Variants in VIT observed in about 807,000 individuals in gnomAD.
The protein encoded by VIT is vitrin.
VIT carries 99 observed loss-of-function variants against 78.0 expected under a neutral mutation model. The ratio of observed to expected loss-of-function variants is 1.27; its 90% confidence interval spans 1.08 to 1.50. The LOEUF is 1.50. Ranked by LOEUF, VIT falls within the 40% of genes most tolerant of loss-of-function variation. The pLI, the probability that VIT is intolerant of heterozygous loss-of-function variation, is 0.00. For synonymous variants in VIT, 374 were observed against 334.3 expected (o/e 1.12, Z -1.29); for missense variants, 1,126 against 875.3 (o/e 1.29, Z -3.61).
At chr2:36,721,791 C>T (rs1666529511) in intron 2 of VIT, among the ~76,000 whole-genome samples, 1 of 152,230 alleles carries the variant, frequency 6.6e-6, no homozygotes, top group Admixed American at 6.5e-5. Context: ...CTTCCTCCCA[C>T]CAACCATGCT....
intron 12 of VIT, among the ~76,000 whole-genome samples, chr2:36,797,081 G>GT (rs1362746211): frequency 6.9e-6 from 1 of 144,188 alleles, no homozygotes; most frequent in African/African-American, 2.5e-5. Context: ...TAGCCAATAT[G>GT]TTTTTTTGTT....
chr2:36,731,018 C>T (rs1334739018), intron 3 of VIT, among the ~76,000 whole-genome samples: 3 of 152,122 alleles, frequency 2.0e-5, no homozygotes, highest in Admixed American at 6.5e-5. Flanking sequence ...CAGAGGAAAG[C>T]GCACCAAACA....
At chr2:36,803,768 ATAC>A (rs1666500643) in intron 13 of VIT, among the ~76,000 whole-genome samples, 1 of 152,220 alleles carries the variant, frequency 6.6e-6, no homozygotes, top group Non-Finnish European at 1.5e-5. Flanking sequence ...ATTGAGTATA[ATAC>A]TACTAATCCT....
rs565656080 is a variant in VIT, at chr2:36,776,658, G to A, written c.802+1591G>A. 3.3e-4 allele frequency among the ~76,000 whole-genome samples: 50 copies of A among 152,090 alleles called. No homozygotes were observed. In the South Asian group the frequency reaches 9.4e-3, roughly 28 times the overall value. ...TCTATTAAAAATACAACAATGAGCC[G>A]GTGGTGCGTGCCTGTAATCCCAGTT... is the stretch of plus-strand genomic sequence containing the variant. On this transcript the variant is annotated intron_variant, in intron 9 of 15. Coordinates refer to ENST00000379242, the MANE Select transcript of VIT (RefSeq NM_053276.4).
At chr2:36,757,732 A>T (rs1452743204) in intron 5 of VIT, among the ~76,000 whole-genome samples, 1 of 152,248 alleles carries the variant, frequency 6.6e-6, no homozygotes, top group Non-Finnish European at 1.5e-5. Flanking sequence ...ATCTCTATGG[A>T]GATACATAGT....
intron 6 of VIT, among the ~76,000 whole-genome samples, chr2:36,760,948 G>C (rs1406410711): frequency 6.6e-6 from 1 of 152,132 alleles, no homozygotes. Flanking sequence ...AGCCACTCCA[G>C]CTGCACCCCT....
At chr2:36,784,801 T>C (rs1273896393) in intron 11 of VIT, among the ~76,000 whole-genome samples, 1 of 152,266 alleles carries the variant, frequency 6.6e-6, no homozygotes, top group African/African-American at 2.4e-5. Flanking sequence ...TTAGCACTGA[T>C]GCTGGCATCT....
At chr2:36,700,812 C>T (rs72801345) in intron 1 of VIT, among the ~76,000 whole-genome samples, 51,760 of 151,672 alleles carry the variant, frequency 0.34, 9,767 homozygotes, top group Middle Eastern at 0.51. Flanking sequence ...CTGTTCAAGC[C>T]CTTTTCATAT....
In VIT at chr2:36,808,733, G is replaced by A; in HGVS notation, c.1651G>A (p.Ala551Thr). ...EISDTDTRIG[A>T]VQYTYEQRLE... ...TTCCGACACGGACACGCGCATCGGGGCCGTGCAGTACACCTACGAACAGCG... is the reference window on the plus strand; with the variant it reads ...TTCCGACACGGACACGCGCATCGGGACCGTGCAGTACACCTACGAACAGCG... Residue 551 changes from alanine (A) to threonine (T), a missense_variant, in exon 15 of 16, where the codon GCC becomes ACC. Physicochemically the swap from Ala to Thr is moderately conservative, Grantham distance 58. Coordinates refer to ENST00000379242, the MANE Select transcript of VIT (RefSeq NM_053276.4). 6.2e-7 allele frequency: 1 copy of A among 1,614,208 alleles called. No individual in the cohort carries two copies. Among genetic ancestry groups the A allele is most frequent in the Non-Finnish European group, 8.5e-7 (1 of 1,180,042 alleles).
chr2:36,761,468 C>T (rs1202930622), intron 6 of VIT, among the ~76,000 whole-genome samples: 3 of 152,024 alleles, frequency 2.0e-5, no homozygotes, highest in East Asian at 1.9e-4. Flanking sequence ...TGGCCGGGCG[C>T]AGTGGCTCAC....
chr2:36,791,894 T>G lies in VIT; in HGVS notation c.1058+4618T>G, dbSNP rs377484119. Among the ~76,000 whole-genome samples, 12 of 151,970 alleles carry G rather than the reference T, an allele frequency of 7.9e-5. No individual in the cohort carries two copies. In the East Asian group the frequency reaches 2.3e-3, roughly 29 times the overall value. ...AACAGCAATAGGAAGCTAATACAAC[T>G]GGCAACGAGGACCACTCTGTCTCAT... On this transcript the variant is annotated intron_variant, in intron 12 of 15. Coordinates refer to ENST00000379242, the MANE Select transcript of VIT (RefSeq NM_053276.4).
intron 1 of VIT, among the ~76,000 whole-genome samples, chr2:36,715,216 G>A (rs527689506): frequency 6.6e-6 from 1 of 152,260 alleles, no homozygotes; most frequent in South Asian, 2.1e-4. Context: ...ACTTCAACAA[G>A]AGCCCCAGGT....
intron 1 of VIT, among the ~76,000 whole-genome samples, chr2:36,701,290 A>T (rs1046911010): frequency 1.3e-5 from 2 of 152,214 alleles, no homozygotes; most frequent in Admixed American, 1.3e-4. Context: ...AGGTGGTGCG[A>T]GTGGAGGGAA....
intron 12 of VIT, chr2:36,787,738 G>A: frequency 2.4e-6 from 1 of 424,624 alleles, no homozygotes; most frequent in East Asian, 7.3e-5. Context: ...TAGACGCCTA[G>A]AGAACATGGT....
intron 2 of VIT, among the ~76,000 whole-genome samples, chr2:36,717,370 G>GTGTC (rs948823616): frequency 2.8e-5 from 4 of 145,130 alleles, no homozygotes; most frequent in African/African-American, 1.0e-4. Context: ...GTGTGTGTGT[G>GTGTC]TGTGTGTGTG....
chr2:36,789,006 T>A (rs1665297546), intron 12 of VIT, among the ~76,000 whole-genome samples: 1 of 152,238 alleles, frequency 6.6e-6, no homozygotes, highest in Non-Finnish European at 1.5e-5. Context: ...AGCAAGAGTT[T>A]ACCCCCATGC....
intron 1 of VIT, among the ~76,000 whole-genome samples, chr2:36,699,025 A>G (rs1664853586): frequency 6.6e-6 from 1 of 152,162 alleles, no homozygotes; most frequent in South Asian, 2.1e-4. Flanking sequence ...TACTTTAGAA[A>G]GCATTTATAT....
At chr2:36,784,010 G>C (rs1572533753) in intron 11 of VIT, among the ~76,000 whole-genome samples, 1 of 152,178 alleles carries the variant, frequency 6.6e-6, no homozygotes, top group South Asian at 2.1e-4. Context: ...AAGACAATGA[G>C]CTATGGTTCG....
intron 12 of VIT, among the ~76,000 whole-genome samples, chr2:36,796,958 A>G (rs1042009252): frequency 6.6e-6 from 1 of 152,214 alleles, no homozygotes; most frequent in African/African-American, 2.4e-5. Flanking sequence ...TAAAAATTTT[A>G]CTATTAATGT....
Sources: gnomAD v4.1 joint callset for allele counts (sites outside exome capture counted in the v4.1 genomes callset) on GRCh38, gnomAD v4.1.1 for gene constraint, MANE v1.5 for transcripts, NCBI Gene and HGNC (gene_info 2026-07-23, HGNC 2026-07-21) for gene names.